RTN1: variants seen among roughly 807,000 people sequenced by gnomAD.
RTN1 encodes reticulon 1.
Under a neutral mutation model 65.5 loss-of-function variants are expected in RTN1, and 25 were observed. The observed-to-expected ratio is 0.38, with a 90% CI of 0.28 to 0.53. The LOEUF (loss-of-function observed/expected upper bound fraction) is 0.53, where lower values mean the gene tolerates loss of function less well. RTN1 is among the 20% of genes least tolerant of loss of function. The pLI is 0.79. For missense variants in RTN1, 983 were observed against 1,025.4 expected (o/e 0.96, Z 0.57); for synonymous variants, 471 against 447.6 (o/e 1.05, Z -0.66).
intron 3 of RTN1, among the ~76,000 whole-genome samples, chr14:59,672,681 C>A (rs374053645): frequency 2.3e-5 from 3 of 130,574 alleles, no homozygotes; most frequent in Non-Finnish European, 4.7e-5. Context: ...TCGCCCAGGC[C>A]GGACTGCGGA....
intron 3 of RTN1, among the ~76,000 whole-genome samples, chr14:59,633,112 C>A: frequency 6.6e-6 from 1 of 152,086 alleles, no homozygotes; most frequent in East Asian, 1.9e-4. Flanking sequence ...AAAAGCTGAC[C>A]TTGGAATGTC....
chr14:59,699,151 T>C lies in RTN1; in HGVS notation c.1765+27768A>G, dbSNP rs552607132. ...TATATCATCATGGTTAATATGAATG[T>C]GTCTTTTATCCTTTGAGCGCAGGGT... On this transcript the variant is annotated intron_variant, in intron 3 of 8. Coordinates refer to ENST00000267484, the MANE Select transcript of RTN1 (RefSeq NM_021136.3). Among the ~76,000 whole-genome samples, 5 of 152,306 alleles carry C rather than the reference T, an allele frequency of 3.3e-5. No individual in the cohort carries two copies. In the South Asian group the frequency reaches 1.0e-3, roughly 32 times the overall value.
chr14:59,598,465 C>T lies in RTN1; in HGVS notation c.2289-1678G>A, dbSNP rs1283756359. 2.0e-5 allele frequency among the ~76,000 whole-genome samples: 3 copies of T among 152,136 alleles called. No individual in the cohort carries two copies. The East Asian group carries it at 5.8e-4, about 29-fold the overall frequency. On this transcript the variant is annotated intron_variant, in intron 8 of 8. Coordinates refer to ENST00000267484, the MANE Select transcript of RTN1 (RefSeq NM_021136.3). ...AACCTTACATAAATAAGTGGATAGA[C>T]CTGGTGCTTAGTTGAAGAGGTCTGG...
At chr14:59,777,813 CAA>C (rs1886079839) in intron 1 of RTN1, among the ~76,000 whole-genome samples, 1 of 109,282 alleles carries the variant, frequency 9.2e-6, no homozygotes, top group Non-Finnish European at 1.9e-5. Context: ...ACAACAACAA[CAA>C]CAACAACAAA....
At chr14:59,749,881 A>G (rs1361815151) in intron 1 of RTN1, among the ~76,000 whole-genome samples, 13 of 113,984 alleles carry the variant, frequency 1.1e-4, no homozygotes, top group Non-Finnish European at 1.8e-4. Flanking sequence ...ATATCTATAT[A>G]TATACACATA....
At position 59,802,727 on chromosome 14, in the gene RTN1, C is replaced by G. The variant is rs951598868; in HGVS notation, c.242-56246G>C. Among the ~76,000 whole-genome samples, 6 of 152,266 alleles carry G rather than the reference C, an allele frequency of 3.9e-5. No individual in the cohort carries two copies. In the East Asian group the frequency reaches 1.2e-3, roughly 29 times the overall value. On this transcript the variant is annotated intron_variant, in intron 1 of 8. Coordinates refer to ENST00000267484, the MANE Select transcript of RTN1 (RefSeq NM_021136.3). ...CTCAAGAATTTTACCACTGGGGAAG[C>G]ATCACAGGTTTTATTTTCCCGATCT...
chr14:59,690,525 T>G (rs1883939276), intron 3 of RTN1, among the ~76,000 whole-genome samples: 1 of 152,036 alleles, frequency 6.6e-6, no homozygotes, highest in Non-Finnish European at 1.5e-5. Flanking sequence ...CTGACAGTAT[T>G]AGATAATAGA....
chr14:59,612,907 C>T (rs1881996797), intron 3 of RTN1, among the ~76,000 whole-genome samples: 1 of 152,246 alleles, frequency 6.6e-6, no homozygotes, highest in South Asian at 2.1e-4. Context: ...CTGCTTAATG[C>T]TGTATAGCTC....
rs374732340 is a variant in RTN1, at chr14:59,701,434, G to C, written c.1765+25485C>G. Among the ~76,000 whole-genome samples, 9 of 152,250 alleles carry C rather than the reference G, an allele frequency of 5.9e-5. No individual in the cohort carries two copies. The South Asian group carries it at 1.0e-3, about 18-fold the overall frequency. On this transcript the variant is annotated intron_variant, in intron 3 of 8. Transcript: ENST00000267484. ...GAAACAACTCAAATGTCCACCAAAT[G>C]ATGAGTGGATAAATCAAATGTGGTA...
chr14:59,698,346 T>G (rs996344130), intron 3 of RTN1, among the ~76,000 whole-genome samples: 1 of 152,178 alleles, frequency 6.6e-6, no homozygotes, highest in African/African-American at 2.4e-5. Context: ...TAATATTATG[T>G]TCAATTGGAA....
intron 3 of RTN1, among the ~76,000 whole-genome samples, chr14:59,695,696 C>A (rs1426099294): frequency 6.6e-6 from 1 of 152,034 alleles, no homozygotes; most frequent in Non-Finnish European, 1.5e-5. Flanking sequence ...TAATAGGTGA[C>A]AAAACATTAC....
intron 3 of RTN1, chr14:59,630,583 TGCGGCTGGGCTCGCAGTGGCCGC>T: frequency 6.3e-7 from 1 of 1,599,132 alleles, no homozygotes; most frequent in Non-Finnish European, 8.5e-7. Context: ...GCCCGGCTGC[TGCGGCTGGGCTCGCAGTGGCCGC>T]GCGGCTGCGG....
intron 1 of RTN1, among the ~76,000 whole-genome samples, chr14:59,779,228 A>G (rs932305325): frequency 6.6e-6 from 1 of 151,758 alleles, no homozygotes; most frequent in African/African-American, 2.4e-5. Context: ...GTGAGGGAGG[A>G]GTCTGGGGTA....
At chr14:59,598,630 A>C (rs2140155792) in intron 8 of RTN1, among the ~76,000 whole-genome samples, 1 of 152,292 alleles carries the variant, frequency 6.6e-6, no homozygotes, top group East Asian at 1.9e-4. Flanking sequence ...GAATACTTGA[A>C]TGAATGTCAG....
intron 3 of RTN1, among the ~76,000 whole-genome samples, chr14:59,670,127 G>A (rs1038870260): frequency 1.3e-5 from 2 of 152,186 alleles, no homozygotes; most frequent in Non-Finnish European, 2.9e-5. Context: ...TCATAGAAGG[G>A]AAATACTAAG....
At chr14:59,652,133 C>A (rs1594654691) in intron 3 of RTN1, among the ~76,000 whole-genome samples, 2 of 152,126 alleles carry the variant, frequency 1.3e-5, no homozygotes, top group Admixed American at 6.5e-5. Flanking sequence ...AGGGAGATAC[C>A]ATCCCACACC....
intron 3 of RTN1, among the ~76,000 whole-genome samples, chr14:59,618,339 A>T (rs1448683408): frequency 6.6e-6 from 1 of 152,154 alleles, no homozygotes; most frequent in East Asian, 1.9e-4. Context: ...CCTGCACTTG[A>T]TGGATCAGCT....
intron 1 of RTN1, among the ~76,000 whole-genome samples, chr14:59,771,460 C>G (rs1885957088): frequency 6.6e-6 from 1 of 152,206 alleles, no homozygotes; most frequent in South Asian, 2.1e-4. Context: ...GTGAGTACCA[C>G]AGAGGTATGT....
intron 2 of RTN1, among the ~76,000 whole-genome samples, chr14:59,731,322 G>A (rs1450185781): frequency 1.3e-5 from 2 of 152,008 alleles, no homozygotes; most frequent in African/African-American, 4.8e-5. Context: ...AGAAAGAAGA[G>A]TAGTAGTTAT....
Sources: allele counts gnomAD v4.1 joint callset (sites outside exome capture counted in the v4.1 genomes callset), GRCh38; gene constraint gnomAD v4.1.1; transcripts MANE v1.5; gene names NCBI Gene and HGNC (gene_info 2026-07-23, HGNC 2026-07-21).